Variants in HS1BP3 observed in about 807,000 individuals in gnomAD.
The protein encoded by HS1BP3 is HCLS1 binding protein 3, also known as HCLS1-binding protein 3.
Under a neutral mutation model 33.5 loss-of-function variants are expected in HS1BP3, and 32 were observed. The observed-to-expected ratio is 0.95, with a 90% confidence interval of 0.72 to 1.28. HS1BP3 has a LOEUF of 1.28. Ranked by LOEUF, HS1BP3 falls within the 50% of genes most tolerant of loss-of-function variation. The pLI is 0.00. For missense variants in HS1BP3, 486 were observed against 502.3 expected, an observed-to-expected ratio of 0.97 and a Z score of 0.31; for synonymous variants, 187 against 209.2, an observed-to-expected ratio of 0.89 and a Z score of 0.92.
At chr2:20,569,974 C>G (rs959736957) in intron 5 of HS1BP3, among the ~76,000 whole-genome samples, 19 of 152,222 alleles carry the variant, frequency 1.2e-4, no homozygotes, top group African/African-American at 4.3e-4. Flanking sequence ...TCTGGGCTGC[C>G]CCCAGCCCTG....
chr2:20,623,461 ACCGGGCCCTC>A, intron 6 of HS1BP3: 1 of 154,558 alleles, frequency 6.5e-6, no homozygotes, highest in Admixed American at 6.5e-5. Flanking sequence ...AAAGCTGCCG[ACCGGGCCCTC>A]CGGCAGAGAG....
downstream of HS1BP3, among the ~76,000 whole-genome samples, chr2:20,617,309 T>G (rs1572336081): frequency 6.6e-6 from 1 of 150,862 alleles, no homozygotes; most frequent in African/African-American, 2.4e-5. Flanking sequence ...GAGGGGCGGG[T>G]GTGAAGGGGG....
chr2:20,580,958 C>T lies in HS1BP3; in HGVS notation c.303-20443G>A, dbSNP rs1178013344. Among the ~76,000 whole-genome samples, 6 of 152,256 alleles carry T rather than the reference C, an allele frequency of 3.9e-5. No individual in the cohort carries two copies. The East Asian group carries it at 9.6e-4, about 24-fold the overall frequency. On this transcript the variant is annotated intron_variant, in intron 5 of 5. Coordinates refer to the HS1BP3 transcript ENST00000446825. ...TGGCCCAGACCCAAGGATACCACTG[C>T]TGAAGGCACAGCCCCAGGTTAGTGT...
intron 5 of HS1BP3, among the ~76,000 whole-genome samples, chr2:20,569,271 G>A (rs1046457534): frequency 2.0e-5 from 3 of 152,250 alleles, no homozygotes; most frequent in East Asian, 1.9e-4. Context: ...CTTCAAAATC[G>A]CAGACTTCCA....
At chr2:20,556,320 T>C (rs945433173), downstream of HS1BP3, among the ~76,000 whole-genome samples, 2 of 152,230 alleles carry the variant, frequency 1.3e-5, no homozygotes, top group Admixed American at 1.3e-4. Context: ...GCTTAAACCT[T>C]GGTATGGTTT....
At chr2:20,587,304 C>A (rs921643426) in intron 5 of HS1BP3, among the ~76,000 whole-genome samples, 1 of 152,146 alleles carries the variant, frequency 6.6e-6, no homozygotes, top group African/African-American at 2.4e-5. Flanking sequence ...AGCGTACGAG[C>A]CCACTCTTAG....
At chr2:20,624,942 A>T in intron 4 of HS1BP3, 50 bp from the exon 5 acceptor site, 1 of 1,607,776 alleles carries the variant, frequency 6.2e-7, no homozygotes, top group Non-Finnish European at 8.5e-7. Flanking sequence ...ACAAGTGTCC[A>T]GGTGGTCCGG....
Position 20,619,069 on chromosome 2 carries a change from A to G in HS1BP3, c.1097T>C (p.Ile366Thr), listed in dbSNP as rs1694511485. The change falls in exon 7 of 7, where the codon ATC becomes ACC. Residue 366 changes from isoleucine to threonine, a missense_variant. Coordinates refer to ENST00000304031, the MANE Select transcript of HS1BP3 (RefSeq NM_022460.4). Reference protein sequence around the residue: ...VAGQQKPQEQIQAMDEMDILQ... With the variant: ...VAGQQKPQEQTQAMDEMDILQ... ...GATGTCCATCTCGTCCATGGCTTGG[A>G]TCTGCTCCTGCGGCTTCTGCTGCCC... 1 of 1,613,960 alleles carries G rather than the reference A, an allele frequency of 6.2e-7. No individual in the cohort carries two copies. The highest frequency in any genetic ancestry group is 1.7e-5 in the Admixed American group (1 of 60,002).
chr2:20,630,892 G>A (rs1473064281), intron 4 of HS1BP3, among the ~76,000 whole-genome samples: 2 of 152,204 alleles, frequency 1.3e-5, no homozygotes, highest in African/African-American at 2.4e-5. Flanking sequence ...GTGCATGGAG[G>A]GAGGGTCTGT....
chr2:20,645,612 G>C, intron 1 of HS1BP3, 107 bp from the exon 2 acceptor site: 1 of 1,126,322 alleles, frequency 8.9e-7, no homozygotes, highest in Non-Finnish European at 1.2e-6. Flanking sequence ...GGTGCCAGGT[G>C]ACTCTGCTGG....
chr2:20,604,863 TTGCACTACC>T (rs1183870743), intron 2 of HS1BP3, among the ~76,000 whole-genome samples: 1 of 152,152 alleles, frequency 6.6e-6, no homozygotes, highest in Non-Finnish European at 1.5e-5. Flanking sequence ...CCTCACCTGG[TTGCACTACC>T]TGCCCTCCCA....
intron 2 of HS1BP3, among the ~76,000 whole-genome samples, chr2:20,641,408 A>G (rs4666321): frequency 0.12 from 18,810 of 152,116 alleles, 1,673 homozygotes; most frequent in African/African-American, 0.25. Context: ...AGATGCAATA[A>G]CGGTGCCATT....
At chr2:20,632,840 G>A (rs1191785510) in intron 4 of HS1BP3, among the ~76,000 whole-genome samples, 3 of 152,210 alleles carry the variant, frequency 2.0e-5, no homozygotes, top group South Asian at 2.1e-4. Context: ...GTGTACCGGC[G>A]CTCCTGGAGG....
At chr2:20,609,049 C>T (rs1259923922) in intron 2 of HS1BP3, among the ~76,000 whole-genome samples, 1 of 152,202 alleles carries the variant, frequency 6.6e-6, no homozygotes, top group African/African-American at 2.4e-5. Context: ...ACCCCAAAAC[C>T]TTGTTGGCCT....
chr2:20,585,049 C>T (rs971161432), intron 5 of HS1BP3, among the ~76,000 whole-genome samples: 3 of 152,182 alleles, frequency 2.0e-5, no homozygotes, highest in Non-Finnish European at 2.9e-5. Flanking sequence ...TACTTGCTCC[C>T]TCATCACCTC....
chr2:20,638,442 A>G lies in HS1BP3; in HGVS notation c.617T>C (p.Ile206Thr). Residue 206 changes from isoleucine (I) to threonine (T), a missense_variant, in exon 4 of 7, where the codon ATT becomes ACT. Transcript: ENST00000304031. ...EEEEALDPLG[I>T]MRSKKPKKHP... ...TCAACAACAGGAGACCAACCGCATA[A>G]TGCCCAGAGGGTCCAGCGCCTCCTC... 1 of 1,614,076 alleles carries G rather than the reference A, an allele frequency of 6.2e-7. No homozygotes were observed.
downstream of HS1BP3, among the ~76,000 whole-genome samples, chr2:20,613,970 A>C (rs1694365913): frequency 6.6e-6 from 1 of 152,236 alleles, no homozygotes; most frequent in African/African-American, 2.4e-5. Context: ...TGCAGGTATA[A>C]TTAAAGGGAA....
chr2:20,571,547 C>A (rs191399898), intron 5 of HS1BP3, among the ~76,000 whole-genome samples: 2 of 152,214 alleles, frequency 1.3e-5, no homozygotes, highest in Non-Finnish European at 2.9e-5. Context: ...AACAGACTGG[C>A]GCCATCGGTT....
chr2:20,623,834 G>A (rs1423818830), intron 6 of HS1BP3, 62 bp downstream of exon 6: 1 of 1,527,516 alleles, frequency 6.5e-7, no homozygotes. Flanking sequence ...AATGAGCCGG[G>A]CCCTTGGCTC....
Sources: gnomAD v4.1 joint callset for allele counts (sites outside exome capture counted in the v4.1 genomes callset) on GRCh38, gnomAD v4.1.1 for gene constraint, MANE v1.5 for transcripts, NCBI Gene and HGNC (gene_info 2026-07-23, HGNC 2026-07-21) for gene names.